The following PTPRO variants were observed in gnomAD, a reference collection of about 807,000 sequenced individuals.
The protein encoded by PTPRO is protein tyrosine phosphatase receptor type O, also known as receptor-type tyrosine-protein phosphatase O.
In PTPRO, 62 loss-of-function variants were observed where a neutral mutation model predicts 145.2. The observed-to-expected ratio is 0.43, with a 90% CI of 0.35 to 0.53. The LOEUF is 0.53. PTPRO is among the 20% of genes least tolerant of loss of function. The pLI is 0.01. For synonymous variants in PTPRO, 565 were observed against 514.7 expected (o/e 1.10, Z -1.32); for missense variants, 1,345 against 1,482.7 (o/e 0.91, Z 1.53).
At chr12:15,541,752 C>T in intron 12 of PTPRO, among the ~76,000 whole-genome samples, 1 of 152,200 alleles carries the variant, frequency 6.6e-6, no homozygotes, top group East Asian at 1.9e-4. Context: ...TGGCTTACGC[C>T]TGTAATCCCA....
At chr12:15,567,303 C>G (rs1943924349) in intron 18 of PTPRO, among the ~76,000 whole-genome samples, 1 of 152,046 alleles carries the variant, frequency 6.6e-6, no homozygotes, top group African/African-American at 2.4e-5. Flanking sequence ...CTCCAAATGC[C>G]CCACCACTAC....
intron 1 of PTPRO, among the ~76,000 whole-genome samples, chr12:15,383,786 A>G (rs949537904): frequency 2.0e-5 from 3 of 152,198 alleles, no homozygotes; most frequent in Non-Finnish European, 4.4e-5. Context: ...TTGCTGGTAA[A>G]TATCTCTTAT....
At chr12:15,356,841 T>A (rs764675415) in intron 1 of PTPRO, among the ~76,000 whole-genome samples, 2 of 152,196 alleles carry the variant, frequency 1.3e-5, no homozygotes, top group Non-Finnish European at 2.9e-5. Context: ...TTTAATCACC[T>A]TTTTATTATA....
At position 15,450,966 on chromosome 12, in the gene PTPRO, G is replaced by A. The variant is rs545487084; in HGVS notation, c.76-33008G>A. Among the ~76,000 whole-genome samples, 389 of 152,070 alleles carry A rather than the reference G, an allele frequency of 2.6e-3. 1 individual carries two copies. Among genetic ancestry groups the A allele is most frequent in the African/African-American group, 9.1e-3 (379 of 41,472 alleles). On this transcript the variant is annotated intron_variant, in intron 1 of 26. Coordinates refer to ENST00000281171, the MANE Select transcript of PTPRO (RefSeq NM_030667.3). ...CAGGCAACAAATAGCACAATGAATA[G>A]AATGGTACCTCCCATCTCAATACTA...
At position 15,500,391 on chromosome 12, in the gene PTPRO, T is replaced by C. The variant is rs535241181; in HGVS notation, c.661+797T>C. On this transcript the variant is annotated intron_variant, in intron 4 of 26. Transcript: ENST00000281171. ...CCTAATGTCAACAGTTAAGATTCTA[T>C]TTATGTTTTTCATTATTCAATGTAA... Among the ~76,000 whole-genome samples the C allele has an allele frequency of 7.2e-5, 11 of 152,338 alleles. No homozygotes were observed. The South Asian group carries it at 8.3e-4, about 11-fold the overall frequency.
chr12:15,350,488 T>C (rs1203800598), intron 1 of PTPRO, among the ~76,000 whole-genome samples: 1 of 152,234 alleles, frequency 6.6e-6, no homozygotes, highest in Admixed American at 6.5e-5. Context: ...AATTAGCAGA[T>C]AGACAGCTCA....
intron 25 of PTPRO, among the ~76,000 whole-genome samples, chr12:15,593,465 T>A (rs1228195043): frequency 1.3e-5 from 2 of 152,228 alleles, no homozygotes; most frequent in Non-Finnish European, 1.5e-5. Flanking sequence ...TGGCTTTCAT[T>A]CAAGTATAAC....
intron 16 of PTPRO, 76 bp downstream of exon 16, chr12:15,557,599 T>C: frequency 7.6e-7 from 1 of 1,322,022 alleles, no homozygotes; most frequent in Admixed American, 1.7e-5. Context: ...TTTACTATCC[T>C]TTGGGGATAG....
chr12:15,513,193 G>C (rs1451909477), intron 7 of PTPRO, among the ~76,000 whole-genome samples: 1 of 99,030 alleles, frequency 1.0e-5, no homozygotes, highest in Non-Finnish European at 1.9e-5. Flanking sequence ...AAGAAAGAAA[G>C]AAAGAAAGAA....
intron 1 of PTPRO, among the ~76,000 whole-genome samples, chr12:15,416,601 G>A (rs559550167): frequency 1.3e-5 from 2 of 151,678 alleles, no homozygotes; most frequent in African/African-American, 2.4e-5. Context: ...TTACAGGCAT[G>A]AGCCACCGCG....
intron 1 of PTPRO, among the ~76,000 whole-genome samples, chr12:15,353,982 C>T (rs1937897586): frequency 6.6e-6 from 1 of 152,166 alleles, no homozygotes; most frequent in Non-Finnish European, 1.5e-5. Context: ...CTGGTTTTGG[C>T]ATCCATCAAG....
intron 1 of PTPRO, among the ~76,000 whole-genome samples, chr12:15,353,572 G>A (rs1316979738): frequency 6.6e-6 from 1 of 152,210 alleles, no homozygotes; most frequent in Non-Finnish European, 1.5e-5. Context: ...GCCCTTGTTT[G>A]ATGAGAGGCA....
intron 1 of PTPRO, among the ~76,000 whole-genome samples, chr12:15,365,044 A>C (rs900241452): frequency 6.6e-6 from 1 of 152,054 alleles, no homozygotes; most frequent in African/African-American, 2.4e-5. Flanking sequence ...TTCTTTTCAC[A>C]ATTAGGCTTT....
chr12:15,433,411 C>G (rs564507167), intron 1 of PTPRO, among the ~76,000 whole-genome samples: 1 of 152,270 alleles, frequency 6.6e-6, no homozygotes, highest in Admixed American at 6.5e-5. Flanking sequence ...TCTTGATCTC[C>G]TGACCTCATG....
At chr12:15,405,451 T>C (rs1939620929) in intron 1 of PTPRO, among the ~76,000 whole-genome samples, 2 of 152,198 alleles carry the variant, frequency 1.3e-5, no homozygotes, top group South Asian at 4.1e-4. Context: ...TCAGAAACTC[T>C]AATTGATCAG....
Position 15,581,859 on chromosome 12 carries a change from T to A in PTPRO, c.3255+58T>A, listed in dbSNP as rs1944326663. ...CTATGCTGACACCTGCTGAGACCAG[T>A]TTGGTCGGGGAGACCCTAACCCAGC... On this transcript the variant is annotated intron_variant, in intron 23 of 26. Coordinates refer to ENST00000281171, the MANE Select transcript of PTPRO (RefSeq NM_030667.3). The A allele has an allele frequency of 5.0e-6, 8 of 1,610,868 alleles. No individual in the cohort carries two copies. In the South Asian group the frequency reaches 8.8e-5, roughly 18 times the overall value.
chr12:15,467,151 C>G (rs538127588), intron 1 of PTPRO, among the ~76,000 whole-genome samples: 1 of 152,252 alleles, frequency 6.6e-6, no homozygotes, highest in African/African-American at 2.4e-5. Context: ...AAAGTAAGCT[C>G]TAGGTGCATA....
At chr12:15,517,300 T>C (rs754707533) in intron 9 of PTPRO, among the ~76,000 whole-genome samples, 1 of 152,246 alleles carries the variant, frequency 6.6e-6, no homozygotes, top group Admixed American at 6.5e-5. Flanking sequence ...ATGAGACTTA[T>C]TCACTATCAC....
chr12:15,322,852 G>T lies in PTPRO; in HGVS notation c.75+51G>T. 3 of 1,570,800 alleles carry T rather than the reference G, an allele frequency of 1.9e-6. No individual in the cohort carries two copies. The highest frequency in any genetic ancestry group is 2.6e-6 in the Non-Finnish European group (3 of 1,154,100). On this transcript the variant is annotated intron_variant, in intron 1 of 26. Coordinates refer to ENST00000281171, the MANE Select transcript of PTPRO (RefSeq NM_030667.3). The surrounding 1 kb of genome is among the most constrained non-coding windows in gnomAD (Gnocchi z 6.3). ...TCCCAGCGGTCCGGGCGGCAGCCGC[G>T]CTCCGGCGCCCTCGCTCTGCCGTTG...
Sources: allele counts gnomAD v4.1 joint callset (sites outside exome capture counted in the v4.1 genomes callset), GRCh38; gene constraint gnomAD v4.1.1; non-coding constraint Gnocchi (gnomAD v3.1); transcripts MANE v1.5; gene names NCBI Gene and HGNC (gene_info 2026-07-23, HGNC 2026-07-21).